Variants in TBC1D1 observed in about 807,000 individuals in gnomAD.
TBC1D1 encodes TBC1 (tre-2/USP6, BUB2, cdc16) domain family, member 1.
TBC1D1 carries 89 observed loss-of-function variants against 125.6 expected under a neutral mutation model. The observed-to-expected ratio is 0.71, with a 90% CI of 0.60 to 0.85. The LOEUF is 0.85. TBC1D1 is among the 40% of genes least tolerant of loss of function. The pLI is 0.00. For synonymous variants in TBC1D1, 565 were observed against 564.1 expected (o/e 1.00, Z -0.02); for missense variants, 1,377 against 1,469.2 (o/e 0.94, Z 1.03).
At chr4:37,974,210 C>G (rs766318699) in intron 2 of TBC1D1, among the ~76,000 whole-genome samples, 2 of 152,136 alleles carry the variant, frequency 1.3e-5, no homozygotes, top group Non-Finnish European at 2.9e-5. Context: ...AGGCCCTTTT[C>G]AAGGGTGGCC....
chr4:37,895,108 C>T (rs1327278318), intron 1 of TBC1D1, among the ~76,000 whole-genome samples: 1 of 152,202 alleles, frequency 6.6e-6, no homozygotes, highest in African/African-American at 2.4e-5. Context: ...GGGTTCAAAT[C>T]CCGATTCTGC....
intron 12 of TBC1D1, among the ~76,000 whole-genome samples, chr4:38,082,491 T>A (rs1756745522): frequency 6.6e-6 from 1 of 152,252 alleles, no homozygotes; most frequent in Admixed American, 6.5e-5. Context: ...CTCTTTAGTT[T>A]TGTTGTCTTT....
At chr4:38,122,430 C>T (rs1764007420) in intron 17 of TBC1D1, among the ~76,000 whole-genome samples, 1 of 152,200 alleles carries the variant, frequency 6.6e-6, no homozygotes, top group African/African-American at 2.4e-5. Context: ...CCCTGCCTTG[C>T]CAGCCAGACT....
chr4:38,035,178 G>C (rs964769818), intron 7 of TBC1D1, among the ~76,000 whole-genome samples: 1 of 152,214 alleles, frequency 6.6e-6, no homozygotes, highest in Non-Finnish European at 1.5e-5. Context: ...TTCGACATAG[G>C]AAATTATGAC....
intron 2 of TBC1D1, among the ~76,000 whole-genome samples, chr4:37,922,461 A>T (rs1721205651): frequency 6.6e-6 from 1 of 152,196 alleles, no homozygotes. Flanking sequence ...AGTACAGAGG[A>T]ACTCTGGGCC....
chr4:38,106,503 G>A (rs959186593), intron 15 of TBC1D1, among the ~76,000 whole-genome samples: 1 of 152,222 alleles, frequency 6.6e-6, no homozygotes, highest in African/African-American at 2.4e-5. Context: ...TGCTGACATG[G>A]TGAGTTACAG....
intron 3 of TBC1D1, among the ~76,000 whole-genome samples, chr4:38,015,646 G>A (rs145195654): frequency 3.3e-5 from 5 of 152,246 alleles, no homozygotes; most frequent in African/African-American, 9.6e-5. Flanking sequence ...GAGCTGTCCC[G>A]GCAGCGAGCC....
intron 2 of TBC1D1, chr4:37,996,127 T>G: frequency 2.1e-6 from 1 of 484,696 alleles, no homozygotes; most frequent in Non-Finnish European, 4.1e-6. Context: ...TTCCTTGGCT[T>G]CTTGGAAAAG....
chr4:38,034,992 AC>A (rs965307881), intron 7 of TBC1D1, among the ~76,000 whole-genome samples: 21 of 152,306 alleles, frequency 1.4e-4, no homozygotes, highest in African/African-American at 4.8e-4. Flanking sequence ...AGCAGCCGGA[AC>A]CTACATGTCC....
chr4:38,060,998 T>G (rs1752646262), intron 12 of TBC1D1, among the ~76,000 whole-genome samples: 1 of 152,106 alleles, frequency 6.6e-6, no homozygotes, highest in African/African-American at 2.4e-5. Flanking sequence ...ACTCCAGGAG[T>G]CTCTCAAGTC....
intron 2 of TBC1D1, among the ~76,000 whole-genome samples, chr4:37,932,663 A>G (rs1244603009): frequency 6.6e-6 from 1 of 152,214 alleles, no homozygotes; most frequent in Non-Finnish European, 1.5e-5. Flanking sequence ...CAGAAGCTAC[A>G]TGCTGGGCAG....
chr4:37,958,878 G>T (rs1196419426), intron 2 of TBC1D1, among the ~76,000 whole-genome samples: 2 of 152,130 alleles, frequency 1.3e-5, no homozygotes, highest in African/African-American at 2.4e-5. Flanking sequence ...CTGCAGATTG[G>T]CACACACACT....
At chr4:37,901,183 G>A (rs1208832473) in intron 1 of TBC1D1, among the ~76,000 whole-genome samples, 7 of 152,004 alleles carry the variant, frequency 4.6e-5, no homozygotes, top group African/African-American at 1.4e-4. Flanking sequence ...TTCAGAAAGA[G>A]TCTCACTCTG....
intron 8 of TBC1D1, among the ~76,000 whole-genome samples, chr4:38,038,152 A>T (rs912340538): frequency 6.6e-6 from 1 of 152,154 alleles, no homozygotes; most frequent in African/African-American, 2.4e-5. Context: ...TGAGTAGTGG[A>T]GCCACTTTGT....
rs1762303720 is a variant in TBC1D1, at chr4:38,112,191, T to C, written c.2558-3519T>C. The stretch of plus-strand genomic sequence containing the variant: ...TGATTATTATTATTTGGAATTCAGC[T>C]TTCAGTTCTACCTGCTTGTGAGTTC... On this transcript the variant is annotated intron_variant, in intron 15 of 19. Transcript: ENST00000261439. 3 of 587,258 alleles carry C rather than the reference T, an allele frequency of 5.1e-6. No individual in the cohort carries two copies. In the South Asian group the frequency reaches 2.2e-4, roughly 43 times the overall value. 36.4% of individuals were successfully genotyped at this position (587,258 alleles called of 1,614,324 possible).
intron 2 of TBC1D1, among the ~76,000 whole-genome samples, chr4:37,982,803 C>A (rs1278129771): frequency 6.6e-6 from 1 of 152,228 alleles, no homozygotes; most frequent in Non-Finnish European, 1.5e-5. Flanking sequence ...CTGTTTCTAT[C>A]AAAACTCTCC....
chr4:37,910,610 A>T (rs1366818796), intron 2 of TBC1D1, among the ~76,000 whole-genome samples: 1 of 152,104 alleles, frequency 6.6e-6, no homozygotes, highest in Non-Finnish European at 1.5e-5. Context: ...AATTGAACTC[A>T]TGGAGATAGG....
chr4:38,028,682 G>A (rs978333809), intron 7 of TBC1D1, among the ~76,000 whole-genome samples: 9 of 152,148 alleles, frequency 5.9e-5, no homozygotes, highest in African/African-American at 1.7e-4. Flanking sequence ...TAAGAGAGAA[G>A]AAATTATAAA....
intron 2 of TBC1D1, among the ~76,000 whole-genome samples, chr4:37,987,510 CTG>C (rs1297747108): frequency 2.0e-5 from 3 of 152,144 alleles, no homozygotes; most frequent in Admixed American, 6.6e-5. Context: ...CACTGAGAAA[CTG>C]AACTTTTTTC....
Sources: allele counts gnomAD v4.1 joint callset (sites outside exome capture counted in the v4.1 genomes callset), GRCh38; gene constraint gnomAD v4.1.1; transcripts MANE v1.5; gene names NCBI Gene and HGNC (gene_info 2026-07-23, HGNC 2026-07-21).